DCLK1: variants seen among roughly 807,000 people sequenced by gnomAD.
The protein encoded by DCLK1 is serine/threonine-protein kinase DCLK1.
Under a neutral mutation model 86.2 loss-of-function variants are expected in DCLK1, and 16 were observed. That is an observed-to-expected ratio of 0.19 (90% CI 0.13 to 0.28). The LOEUF (loss-of-function observed/expected upper bound fraction) is 0.28. DCLK1 is among the 10% of genes least tolerant of loss of function. DCLK1 has a pLI of 1.00. For synonymous variants in DCLK1, 369 were observed against 370.5 expected, an observed-to-expected ratio of 1.00 and a Z score of 0.05; for missense variants, 590 against 940.2, an observed-to-expected ratio of 0.63 and a Z score of 4.87.
At chr13:35,818,700 G>A (rs1487631857) in intron 11 of DCLK1, among the ~76,000 whole-genome samples, 1 of 152,144 alleles carries the variant, frequency 6.6e-6, no homozygotes, top group African/African-American at 2.4e-5. Flanking sequence ...CCAGGTCCTT[G>A]AAAGAAACAC....
At chr13:35,808,971 G>A in intron 13 of DCLK1, 47 bp downstream of exon 13, 2 of 1,552,970 alleles carry the variant, frequency 1.3e-6, no homozygotes, top group Non-Finnish European at 1.8e-6. Context: ...CACTCAGAGA[G>A]TAGAGAAATG....
intron 4 of DCLK1, among the ~76,000 whole-genome samples, chr13:35,944,978 C>T (rs754013532): frequency 2.6e-5 from 4 of 151,984 alleles, no homozygotes; most frequent in African/African-American, 7.3e-5. Flanking sequence ...CTCGGTTCAC[C>T]GCAACCTCCG....
intron 3 of DCLK1, among the ~76,000 whole-genome samples, chr13:36,106,703 A>G (rs1022026440): frequency 1.3e-5 from 2 of 152,178 alleles, no homozygotes; most frequent in Admixed American, 6.5e-5. Context: ...ACTGCTGCTA[A>G]TAGCTACAGA....
chr13:35,918,339 G>A (rs1369959425), intron 4 of DCLK1, among the ~76,000 whole-genome samples: 1 of 152,200 alleles, frequency 6.6e-6, no homozygotes, highest in Non-Finnish European at 1.5e-5. Flanking sequence ...CAGATCATCT[G>A]TGAGGTTGTG....
rs766545345 is a variant in DCLK1 at position 35,956,381 on chromosome 13, G to T, written c.724-8924C>A. ...TTGCACAAAAGATTCATGCAAGTAG[G>T]TAGTTAACATTGTGGCATGGTTTCT... is the stretch of plus-strand genomic sequence containing the variant. On this transcript the variant is annotated intron_variant, in intron 3 of 16. Transcript: ENST00000360631. Among the ~76,000 whole-genome samples the T allele has an allele frequency of 2.0e-5, 3 of 152,072 alleles. No individual in the cohort carries two copies. The South Asian group carries it at 6.2e-4, about 32-fold the overall frequency.
At chr13:35,788,899 T>C (rs1460656573) in intron 16 of DCLK1, among the ~76,000 whole-genome samples, 1 of 152,096 alleles carries the variant, frequency 6.6e-6, no homozygotes, top group Admixed American at 6.6e-5. Context: ...GAAGATAGAG[T>C]ATAAAACAGT....
chr13:35,954,829 A>G (rs770232733), intron 3 of DCLK1, among the ~76,000 whole-genome samples: 2 of 152,256 alleles, frequency 1.3e-5, no homozygotes, highest in Non-Finnish European at 2.9e-5. Context: ...ATGAAGCTCT[A>G]AGACTTTTTT....
At position 35,854,695 on chromosome 13, in the gene DCLK1, C is replaced by A. The variant is rs1024580052; in HGVS notation, c.941-102G>T. ...AATAAACAATTATATAGAGAGCCAT[C>A]TACTAGAACTCTAGACACCCTTCCA... On this transcript the variant is annotated intron_variant, in intron 5 of 16. Transcript: ENST00000360631. 9.2e-6 allele frequency: 9 copies of A among 973,642 alleles called. No homozygotes were observed. The African/African-American group carries it at 1.2e-4, about 13-fold the overall frequency. The allele number at this position is 973,642 out of a possible 1,614,324, so 60.3% of individuals were successfully genotyped here. A position where few individuals can be genotyped will look rare whatever the true frequency, so the allele number is the denominator to read the frequency against.
In DCLK1 at chr13:36,126,084, C is replaced by T. The variant is rs1294557623; in HGVS notation, c.54G>A (p.Ala18=). The change falls in exon 2 of 17, where the codon GCG becomes GCA. Residue 18 remains alanine (A), a synonymous_variant. Coordinates refer to ENST00000360631, the MANE Select transcript of DCLK1 (RefSeq NM_001330071.2). ...CCCGCGACCCTCGGCTGTATCTCTG[C>T]GCCTTATCCCGCTCGTCGAAGTGCT... ...ELEHFDERDK[A]QRYSRGSRVN... 6.2e-7 allele frequency: 1 copy of T among 1,610,098 alleles called. No homozygotes were observed. The highest frequency in any genetic ancestry group is 1.7e-5 in the Admixed American group (1 of 59,962).
intron 3 of DCLK1, among the ~76,000 whole-genome samples, chr13:36,078,090 G>A (rs1884274831): frequency 1.3e-5 from 2 of 152,172 alleles, no homozygotes; most frequent in African/African-American, 4.8e-5. Context: ...AAAATCATGA[G>A]GGTGGAGCCC....
intron 4 of DCLK1, among the ~76,000 whole-genome samples, chr13:35,878,141 C>T (rs968569087): frequency 2.0e-5 from 3 of 152,252 alleles, no homozygotes; most frequent in Non-Finnish European, 4.4e-5. Context: ...GGTTTTGAAT[C>T]TCAGTCTCCA....
chr13:35,985,149 A>G (rs1306075793), intron 3 of DCLK1, among the ~76,000 whole-genome samples: 5 of 152,194 alleles, frequency 3.3e-5, no homozygotes, highest in Non-Finnish European at 7.3e-5. Context: ...CTTTCTGATT[A>G]TGGATGCATT....
intron 10 of DCLK1, 123 bp downstream of exon 10, chr13:35,827,512 A>C (rs1443960914): frequency 8.4e-7 from 1 of 1,189,032 alleles, no homozygotes; most frequent in Non-Finnish European, 1.2e-6. Flanking sequence ...ATTCCTAATC[A>C]CTGGGCCAAT....
intron 5 of DCLK1, among the ~76,000 whole-genome samples, chr13:35,857,775 A>AG (rs931068159): frequency 6.6e-6 from 1 of 152,322 alleles, no homozygotes; most frequent in Admixed American, 6.5e-5. Flanking sequence ...TGGTGAAGCA[A>AG]GGGGGGCACA....
intron 5 of DCLK1, among the ~76,000 whole-genome samples, chr13:35,867,968 A>AAAGAAAGAGG (rs1871975078): frequency 6.8e-6 from 1 of 146,940 alleles, no homozygotes; most frequent in Non-Finnish European, 1.5e-5. Context: ...AAAGAAAGAG[A>AAAGAAAGAGG]AAAAGAAAGA....
At chr13:36,067,031 C>T (rs1883780930) in intron 3 of DCLK1, among the ~76,000 whole-genome samples, 1 of 143,358 alleles carries the variant, frequency 7.0e-6, no homozygotes, top group Non-Finnish European at 1.5e-5. Context: ...CTAGAAATAC[C>T]ATTTGACCCA....
At chr13:35,924,961 T>C (rs1171052) in intron 4 of DCLK1, among the ~76,000 whole-genome samples, 118,208 of 152,168 alleles carry the variant, frequency 0.78, 46,210 homozygotes, top group African/African-American at 0.85. Flanking sequence ...AGAGACCATA[T>C]GGCCCAAGAA....
At chr13:35,964,364 C>T (rs1878619810) in intron 3 of DCLK1, among the ~76,000 whole-genome samples, 2 of 152,154 alleles carry the variant, frequency 1.3e-5, no homozygotes, top group Admixed American at 1.3e-4. Context: ...ATTCCAGGAG[C>T]ATTTTGTAAA....
Position 36,123,868 on chromosome 13 carries a change from A to G in DCLK1, c.376+1894T>C, listed in dbSNP as rs370516136. Reference sequence around the variant, plus strand: ...GCAGTAAAAGACAAAGAAGATGGTGACAAGCATGCCATAATTTTGCTGGTC... The same window carrying G: ...GCAGTAAAAGACAAAGAAGATGGTGGCAAGCATGCCATAATTTTGCTGGTC... On this transcript the variant is annotated intron_variant, in intron 2 of 16. Transcript: ENST00000360631. Among the ~76,000 whole-genome samples, 14 of 152,376 alleles carry G rather than the reference A, an allele frequency of 9.2e-5. No homozygotes were observed. The East Asian group carries it at 2.3e-3, about 25-fold the overall frequency.
Sources: allele counts gnomAD v4.1 joint callset (sites outside exome capture counted in the v4.1 genomes callset), GRCh38; gene constraint gnomAD v4.1.1; transcripts MANE v1.5; gene names NCBI Gene and HGNC (gene_info 2026-07-23, HGNC 2026-07-21).